Variants in C4orf51 observed in about 807,000 individuals in gnomAD.
C4orf51 encodes the protein uncharacterized protein C4orf51.
A neutral mutation model predicts 25.2 loss-of-function variants in C4orf51; 25 were observed. The observed-to-expected ratio is 0.99, with a 90% confidence interval of 0.72 to 1.39. The LOEUF is 1.39. Among genes scored for constraint, C4orf51 ranks in the 40% most tolerant of loss-of-function variants. C4orf51 has a pLI of 0.00. For synonymous variants in C4orf51, 100 were observed against 84.5 expected (o/e 1.18, Z -1.01); for missense variants, 252 against 239.6 (o/e 1.05, Z -0.34).
At chr4:145,771,823 C>T (rs749974776), downstream of C4orf51, among the ~76,000 whole-genome samples, 6 of 152,188 alleles carry the variant, frequency 3.9e-5, no homozygotes, top group African/African-American at 9.6e-5. Context: ...AACAAGATAG[C>T]GTGGCAGATT....
At chr4:145,729,555 C>T (rs548713225) in intron 4 of C4orf51, among the ~76,000 whole-genome samples, 1 of 152,286 alleles carries the variant, frequency 6.6e-6, no homozygotes, top group South Asian at 2.1e-4. Flanking sequence ...CCCTCCTTGG[C>T]CTCCCAAAGT....
chr4:145,729,968 A>G lies in C4orf51; in HGVS notation c.501+3A>G. The G allele has an allele frequency of 1.2e-6, 2 of 1,613,528 alleles. No homozygotes were observed. The highest frequency in any genetic ancestry group is 2.7e-5 in the African/African-American group (2 of 75,044). On this transcript the variant is annotated splice_donor_region_variant and intron_variant, in intron 5 of 5. Coordinates refer to ENST00000438731, the MANE Select transcript of C4orf51 (RefSeq NM_001080531.3). ...GAGGGAAAGGTGTCCTAAAGCATGT[A>G]AGAATCTTTTTACTTGCCATGCAAC...
At chr4:145,680,547 C>T in intron 1 of C4orf51, 111 bp downstream of exon 1, 1 of 759,040 alleles carries the variant, frequency 1.3e-6, no homozygotes, top group Non-Finnish European at 2.1e-6. Flanking sequence ...CTTTAACCCT[C>T]TGTATTTTCT....
At chr4:145,749,856 G>T (rs948097869) in intron 1 of C4orf51, among the ~76,000 whole-genome samples, 1 of 151,898 alleles carries the variant, frequency 6.6e-6, no homozygotes, top group African/African-American at 2.4e-5. Context: ...GGATGGTCTC[G>T]ATCTCCTGAC....
intron 2 of C4orf51, among the ~76,000 whole-genome samples, chr4:145,704,806 A>C (rs1730689792): frequency 6.6e-6 from 1 of 152,252 alleles, no homozygotes; most frequent in African/African-American, 2.4e-5. Context: ...AGGAGAGACC[A>C]AGGCAAGTTT....
chr4:145,791,499 G>A, the C4orf51 span, among the ~76,000 whole-genome samples: 1 of 152,144 alleles, frequency 6.6e-6, no homozygotes, highest in Non-Finnish European at 1.5e-5. Context: ...TCCTGTGAAC[G>A]TATGTCATAA....
chr4:145,691,167 C>CA (rs1729537554), intron 1 of C4orf51, among the ~76,000 whole-genome samples: 1 of 152,082 alleles, frequency 6.6e-6, no homozygotes, highest in Admixed American at 6.5e-5. Context: ...GAAAACACAA[C>CA]AAGTGGCCAA....
downstream of C4orf51, chr4:145,774,568 G>C: frequency 1.2e-6 from 2 of 1,613,138 alleles, no homozygotes; most frequent in Non-Finnish European, 1.7e-6. Context: ...GAAGTCGCAG[G>C]CAGTGCAGCA....
intron 1 of C4orf51, among the ~76,000 whole-genome samples, chr4:145,686,041 A>T (rs538099884): frequency 2.0e-4 from 31 of 152,336 alleles, no homozygotes; most frequent in African/African-American, 7.2e-4. Context: ...TAAAGAAATA[A>T]ACAAAATGTG....
At chr4:145,773,771 T>C (rs1353896425), downstream of C4orf51, among the ~76,000 whole-genome samples, 1 of 152,228 alleles carries the variant, frequency 6.6e-6, no homozygotes, top group Non-Finnish European at 1.5e-5. Context: ...CAGGAGAATC[T>C]GGTTTTCTTT....
chr4:145,788,848 A>G, the C4orf51 span, among the ~76,000 whole-genome samples: 1 of 152,232 alleles, frequency 6.6e-6, no homozygotes, highest in Non-Finnish European at 1.5e-5. Flanking sequence ...ATCAGGCCTG[A>G]AAATCATGTC....
chr4:145,781,216 AAG>A, the C4orf51 span, among the ~76,000 whole-genome samples: 350 of 117,900 alleles, frequency 3.0e-3, no homozygotes, highest in Middle Eastern at 9.3e-3. Flanking sequence ...AAAAAAAAAA[AAG>A]AAAAAAAAAG....
chr4:145,715,975 A>T (rs1731387331), intron 2 of C4orf51, among the ~76,000 whole-genome samples: 2 of 152,336 alleles, frequency 1.3e-5, no homozygotes, highest in Middle Eastern at 6.8e-3. Context: ...AACTAAGAAG[A>T]TAAACCAAAA....
chr4:145,701,949 C>T (rs992830368), intron 2 of C4orf51, among the ~76,000 whole-genome samples: 7 of 151,978 alleles, frequency 4.6e-5, no homozygotes, highest in Non-Finnish European at 7.4e-5. Flanking sequence ...GCCTCCTTCG[C>T]GTCTTCCTCT....
chr4:145,734,703 C>T (rs769048007), downstream of C4orf51, among the ~76,000 whole-genome samples: 7 of 152,184 alleles, frequency 4.6e-5, no homozygotes, highest in Non-Finnish European at 1.0e-4. Flanking sequence ...GACTAGCCAA[C>T]GCCTGAGGAA....
intron 1 of C4orf51, among the ~76,000 whole-genome samples, chr4:145,740,074 C>T (rs1343213958): frequency 6.6e-6 from 1 of 151,990 alleles, no homozygotes; most frequent in Admixed American, 6.6e-5. Context: ...CAGGTGAAAA[C>T]CGTTCACGTG....
At chr4:145,785,578 G>A in the C4orf51 span, among the ~76,000 whole-genome samples, 1 of 152,086 alleles carries the variant, frequency 6.6e-6, no homozygotes, top group Admixed American at 6.5e-5. Context: ...AGTTTCCACA[G>A]TAACTAAGTC....
At chr4:145,770,515 T>G (rs1287462893) in intron 1 of C4orf51, among the ~76,000 whole-genome samples, 1 of 151,576 alleles carries the variant, frequency 6.6e-6, no homozygotes, top group African/African-American at 2.4e-5. Flanking sequence ...GGTTTTTATA[T>G]GTAAATCATT....
At chr4:145,766,088 T>C (rs1274675415) in intron 1 of C4orf51, among the ~76,000 whole-genome samples, 1 of 152,232 alleles carries the variant, frequency 6.6e-6, no homozygotes, top group Non-Finnish European at 1.5e-5. Flanking sequence ...AAATCCTGTG[T>C]GGCACAACTG....
Sources: allele counts gnomAD v4.1 joint callset (sites outside exome capture counted in the v4.1 genomes callset), GRCh38; gene constraint gnomAD v4.1.1; transcripts MANE v1.5; gene names NCBI Gene and HGNC (gene_info 2026-07-23, HGNC 2026-07-21).